Variants in MAFA observed in about 807,000 individuals in gnomAD.
MAFA encodes the protein MAF bZIP transcription factor A, also known as transcription factor MafA.
For missense variants in MAFA, 547 were observed against 538.0 expected (o/e 1.02, Z -0.16); for synonymous variants, 244 against 260.3 (o/e 0.94, Z 0.60).
At position 143,430,240 on chromosome 8, in the gene MAFA, C is replaced by G. The variant is rs1351805022; in HGVS notation, c.167G>C (p.Ser56Thr). The G allele has an allele frequency of 1.4e-6, 2 of 1,418,226 alleles. No homozygotes were observed. The highest frequency in any genetic ancestry group is 2.6e-5 in the South Asian group (2 of 78,404). The allele number at this position is 1,418,226 out of a possible 1,614,324, so 87.9% of individuals were successfully genotyped here. A position where few individuals can be genotyped will look rare whatever the true frequency, so the allele number is the denominator to read the frequency against. ...PPGSLSSTPL[S>T]TPCSSVPSSP... ...GGAGGGCACGGAGGAGCAGGGCGTG[C>G]TGAGCGGCGTCGAGGACAGCGAGCC... The change falls in exon 1 of 1, where the codon AGC (serine) becomes ACC (threonine). Residue 56 changes from serine to threonine, a missense_variant. Coordinates refer to ENST00000333480, the MANE Select transcript of MAFA (RefSeq NM_201589.4).
In MAFA at chr8:143,430,246, G is replaced by T; in HGVS notation, c.161C>A (p.Pro54Gln). Residue 54 changes from proline (P) to glutamine (Q), a missense_variant, in exon 1 of 1, where the codon CCG becomes CAG. Pro to Gln is a moderately conservative substitution (Grantham distance 76). Coordinates refer to ENST00000333480, the MANE Select transcript of MAFA (RefSeq NM_201589.4). ...RLPPGSLSSTPLSTPCSSVPS... is the reference protein window; with the variant it reads ...RLPPGSLSSTQLSTPCSSVPS... ...CACGGAGGAGCAGGGCGTGCTGAGC[G>T]GCGTCGAGGACAGCGAGCCTGGCGG... 1 of 1,426,214 alleles carries T rather than the reference G, an allele frequency of 7.0e-7. No individual in the cohort carries two copies. 88.3% of individuals were successfully genotyped at this position (1,426,214 alleles called of 1,614,324 possible). A position where few individuals can be genotyped will look rare whatever the true frequency, so the allele number is the denominator to read the frequency against.
chr8:143,429,995 C>T lies in MAFA; in HGVS notation c.412G>A (p.Ala138Thr). ...PEALNLTPED[A>T]VEALIGSGHH... ...CCGCTGCCGATGAGCGCCTCCACCG[C>T]GTCCTCGGGCGTCAGGTTGAGCGCC... is the stretch of plus-strand genomic sequence containing the variant. The change falls in exon 1 of 1, where the codon GCG (alanine) becomes ACG (threonine). Residue 138 changes from alanine to threonine, a missense_variant. Coordinates refer to ENST00000333480, the MANE Select transcript of MAFA (RefSeq NM_201589.4). This position sits in a 1 kb window ranked among gnomAD's most constrained non-coding sequence, Gnocchi z 5.9. 1 of 1,353,430 alleles carries T rather than the reference C, an allele frequency of 7.4e-7. No homozygotes were observed. Among genetic ancestry groups the T allele is most frequent in the Non-Finnish European group, 9.6e-7 (1 of 1,045,402 alleles). 83.8% of individuals were successfully genotyped at this position (1,353,430 alleles called of 1,614,324 possible).
chr8:143,429,783 ATGGTGGTGGTGGTGGTGGTGG>A lies in MAFA; in HGVS notation c.603_623del (p.His202_His208del). ...CGCCACCGCCGTGTCCCGCGCCGCCATGGTGGTGGTGGTGGTGGTGGTGGTGGTGGGCGGCGTGGTGATGGT... is the reference window on the plus strand; with the variant it reads ...CGCCACCGCCGTGTCCCGCGCCGCCATGGTGGTGGGCGGCGTGGTGATGGT... On this transcript the variant is annotated inframe_deletion, in exon 1 of 1. Coordinates refer to ENST00000333480, the MANE Select transcript of MAFA (RefSeq NM_201589.4). The surrounding 1 kb of genome is among the most constrained non-coding windows in gnomAD (Gnocchi z 5.9). The A allele has an allele frequency of 3.5e-6, 5 of 1,409,048 alleles. No individual in the cohort carries two copies. The highest frequency in any genetic ancestry group is 2.9e-5 in the East Asian group (1 of 34,018). 87.3% of individuals were successfully genotyped at this position (1,409,048 alleles called of 1,614,324 possible).
rs757108779 is a variant in MAFA at position 143,429,497 on chromosome 8, C to T, written c.910G>A (p.Ala304Thr). 3 of 1,604,928 alleles carry T rather than the reference C, an allele frequency of 1.9e-6. No homozygotes were observed. Among genetic ancestry groups the T allele is most frequent in the Non-Finnish European group, 1.7e-6 (2 of 1,179,348 alleles). The change falls in exon 1 of 1, where the codon GCC (alanine) becomes ACC (threonine). Residue 304 changes from alanine to threonine, a missense_variant. By Grantham distance (58) the Ala-to-Thr change is moderately conservative. Coordinates refer to ENST00000333480, the MANE Select transcript of MAFA (RefSeq NM_201589.4). This position sits in a 1 kb window ranked among gnomAD's most constrained non-coding sequence, Gnocchi z 5.9. ...EQLKLEVGRL[A>T]KERDLYKEKY... ...TCCTTGTACAGGTCCCGCTCTTTGG[C>T]CAGGCGCCCCACCTCCAGCTTCAGC...
chr8:143,429,064 G>A lies in MAFA; in HGVS notation c.*281C>T. 3.8e-6 allele frequency: 1 copy of A among 266,664 alleles called. No individual in the cohort carries two copies. Among genetic ancestry groups the A allele is most frequent in the Admixed American group, 5.5e-5 (1 of 18,198 alleles). 16.5% of individuals were successfully genotyped at this position (266,664 alleles called of 1,614,324 possible). Reference sequence around the variant, plus strand: ...GAACGGAGAACCACGTTCAACGTATGTACAAGCGGACGCTTGGAAAGAAGT... The same window carrying A: ...GAACGGAGAACCACGTTCAACGTATATACAAGCGGACGCTTGGAAAGAAGT... On this transcript the variant is annotated 3_prime_UTR_variant, in exon 1 of 1. Coordinates refer to ENST00000333480, the MANE Select transcript of MAFA (RefSeq NM_201589.4). This position sits in a 1 kb window ranked among gnomAD's most constrained non-coding sequence, Gnocchi z 5.9.
In MAFA at chr8:143,430,454, G is replaced by A. The variant is rs917481192; in HGVS notation, c.-48C>T. 13 of 830,790 alleles carry A rather than the reference G, an allele frequency of 1.6e-5. No individual in the cohort carries two copies. Among genetic ancestry groups the A allele is most frequent in the Middle Eastern group, 5.2e-4 (1 of 1,930 alleles). The allele number at this position is 830,790 out of a possible 1,614,324, so 51.5% of individuals were successfully genotyped here. ...GCGCCCCGACGGGCGGCGTGGGAGT[G>A]GGGGGGGAGCTGCAGGCCTCTCCCC... On this transcript the variant is annotated 5_prime_UTR_variant, in exon 1 of 1. Transcript: ENST00000333480.
At position 143,430,022 on chromosome 8, in the gene MAFA, C is replaced by A; in HGVS notation, c.385G>T (p.Glu129Ter). 7.3e-7 allele frequency: 1 copy of A among 1,375,476 alleles called. No individual in the cohort carries two copies. Among genetic ancestry groups the A allele is most frequent in the African/African-American group, 1.5e-5 (1 of 65,890 alleles). The allele number at this position is 1,375,476 out of a possible 1,614,324, so 85.2% of individuals were successfully genotyped here. ...TCCTCGGGCGTCAGGTTGAGCGCCT[C>A]GGGGTTGAGGTGATGCTGGTAGCCG... is the stretch of plus-strand genomic sequence containing the variant. Reference protein sequence around the residue: ...MSGYQHHLNPEALNLTPEDAV... With the variant: ...MSGYQHHLNP The change falls in exon 1 of 1, where the codon GAG becomes TAG. Residue 129 changes from glutamate (E) to a stop codon, truncating the protein, a stop_gained. Coordinates refer to ENST00000333480, the MANE Select transcript of MAFA (RefSeq NM_201589.4). LOFTEE classifies it low-confidence loss of function (END_TRUNC).
Position 143,430,504 on chromosome 8 carries a change from C to CCAGGCGGGGGCGGGGGGGCG in MAFA, c.-99_-98insCGCCCCCCCGCCCCCGCCTG. Reference sequence around the variant, plus strand: ...CCCCCTGCTCCCCGCGGGCGGCGGTCCCGGCGGGGGCGGGGGGGCGCCGGC... The same window carrying CCAGGCGGGGGCGGGGGGGCG: ...CCCCCTGCTCCCCGCGGGCGGCGGTCCAGGCGGGGGCGGGGGGGCGCCGGCGGGGGCGGGGGGGCGCCGGC... On this transcript the variant is annotated 5_prime_UTR_variant, in exon 1 of 1. Coordinates refer to ENST00000333480, the MANE Select transcript of MAFA (RefSeq NM_201589.4). 4.2e-6 allele frequency: 1 copy of CCAGGCGGGGGCGGGGGGGCG among 238,652 alleles called. No individual in the cohort carries two copies. Among genetic ancestry groups the CCAGGCGGGGGCGGGGGGGCG allele is most frequent in the Non-Finnish European group, 6.6e-6 (1 of 151,876 alleles). 14.8% of individuals were successfully genotyped at this position (238,652 alleles called of 1,614,324 possible).
chr8:143,429,104 G>A lies in MAFA; in HGVS notation c.*241C>T, dbSNP rs1414052061. The A allele has an allele frequency of 2.0e-5, 7 of 350,034 alleles. No individual in the cohort carries two copies. Among genetic ancestry groups the A allele is most frequent in the African/African-American group, 4.3e-5 (2 of 46,574 alleles). 21.7% of individuals were successfully genotyped at this position (350,034 alleles called of 1,614,324 possible). ...TGGAAAGAAGTTAGACCTGGCTCAA[G>A]TTTCCTTAGAAATCACCGTTCTCCG... is the stretch of plus-strand genomic sequence containing the variant. On this transcript the variant is annotated 3_prime_UTR_variant, in exon 1 of 1. Transcript: ENST00000333480. The surrounding 1 kb of genome is among the most constrained non-coding windows in gnomAD (Gnocchi z 5.9).
chr8:143,429,955 T>C lies in MAFA; in HGVS notation c.452A>G (p.His151Arg). 1 of 1,273,976 alleles carries C rather than the reference T, an allele frequency of 7.8e-7. No homozygotes were observed. The highest frequency in any genetic ancestry group is 9.9e-7 in the Non-Finnish European group (1 of 1,010,260). The allele number at this position is 1,273,976 out of a possible 1,614,324, so 78.9% of individuals were successfully genotyped here. Residue 151 changes from histidine to arginine, a missense_variant, in exon 1 of 1, where the codon CAC becomes CGC. Physicochemically the swap from His to Arg is conservative, Grantham distance 29. Transcript: ENST00000333480. The surrounding 1 kb of genome is among the most constrained non-coding windows in gnomAD (Gnocchi z 5.9). The part of the protein sequence containing the change: ...ALIGSGHHGA[H>R]HGAHHPAAAA... Reference sequence around the variant, plus strand: ...GGCCGCCGGGTGGTGCGCGCCGTGGTGCGCGCCGTGGTGGCCGCTGCCGAT... The same window carrying C: ...GGCCGCCGGGTGGTGCGCGCCGTGGCGCGCGCCGTGGTGGCCGCTGCCGAT...
At position 143,429,611 on chromosome 8, in the gene MAFA, C is replaced by T. The variant is rs761090493; in HGVS notation, c.796G>A (p.Gly266Ser). The T allele has an allele frequency of 2.6e-5, 42 of 1,599,104 alleles. No homozygotes were observed. The highest frequency in any genetic ancestry group is 3.5e-5 in the Non-Finnish European group (41 of 1,178,180). ...KQKRRTLKNR[G>S]YAQSCRFKRV... ...TTGAAGCGGCAGGACTGCGCGTAGC[C>T]GCGGTTCTTGAGCGTGCGCCGCTTC... The change falls in exon 1 of 1, where the codon GGC becomes AGC. Residue 266 changes from glycine to serine, a missense_variant. Physicochemically the swap from Gly to Ser is moderately conservative, Grantham distance 56. Transcript: ENST00000333480. The surrounding 1 kb of genome is among the most constrained non-coding windows in gnomAD (Gnocchi z 5.9).
rs1184020676 is a variant in MAFA, at chr8:143,428,198, C to CA, written c.*1146dup. On this transcript the variant is annotated 3_prime_UTR_variant, in exon 1 of 1. Coordinates refer to ENST00000333480, the MANE Select transcript of MAFA (RefSeq NM_201589.4). ...CGGCGCGCCTTCCACTCCGAGTGCT[C>CA]AGGGGAGGGGTGTGGAGCGGCTGGA... is the stretch of plus-strand genomic sequence containing the variant. 6.6e-6 allele frequency: 1 copy of CA among 152,192 alleles called. No individual in the cohort carries two copies. The highest frequency in any genetic ancestry group is 1.5e-5 in the Non-Finnish European group (1 of 68,036). 9.4% of individuals were successfully genotyped at this position (152,192 alleles called of 1,614,324 possible). A position where few individuals can be genotyped will look rare whatever the true frequency, so the allele number is the denominator to read the frequency against.
chr8:143,430,347 G>C lies in MAFA; in HGVS notation c.60C>G (p.Tyr20Ter). Residue 20 changes from tyrosine to a stop codon, truncating the protein, a stop_gained, in exon 1 of 1, where the codon TAC becomes TAG. Transcript: ENST00000333480. LOFTEE classifies it low-confidence loss of function (END_TRUNC). Reference sequence around the variant, plus strand: ...ACTTCATCAGGTCGAAGTCGTTGACGTACTCGATGGCCAGCGGGCTGCTGG... The same window carrying C: ...ACTTCATCAGGTCGAAGTCGTTGACCTACTCGATGGCCAGCGGGCTGCTGG... ...ELPSSPLAIE[Y>*]VNDFDLMKFE... is the part of the protein sequence containing the mutation. 4 of 1,445,810 alleles carry C rather than the reference G, an allele frequency of 2.8e-6. No homozygotes were observed. The highest frequency in any genetic ancestry group is 2.8e-6 in the Non-Finnish European group (3 of 1,084,574). The allele number at this position is 1,445,810 out of a possible 1,614,324, so 89.6% of individuals were successfully genotyped here.
At position 143,429,321 on chromosome 8, in the gene MAFA, C is replaced by A. The variant is rs1819494504; in HGVS notation, c.*24G>T. On this transcript the variant is annotated 3_prime_UTR_variant, in exon 1 of 1. Coordinates refer to ENST00000333480, the MANE Select transcript of MAFA (RefSeq NM_201589.4). This position sits in a 1 kb window ranked among gnomAD's most constrained non-coding sequence, Gnocchi z 5.9. ...TGCGCGAACTTGTCCCCGGCGACGG[C>A]GGCGCGGGCTCGGGGTCCGGCGCCT... The A allele has an allele frequency of 1.5e-6, 2 of 1,313,554 alleles. No individual in the cohort carries two copies. Among genetic ancestry groups the A allele is most frequent in the African/African-American group, 1.6e-5 (1 of 64,262 alleles). 81.4% of individuals were successfully genotyped at this position (1,313,554 alleles called of 1,614,324 possible). A position where few individuals can be genotyped will look rare whatever the true frequency, so the allele number is the denominator to read the frequency against.
chr8:143,429,151 CG>C lies in MAFA; in HGVS notation c.*193del. Reference sequence around the variant, plus strand: ...TCCGCTCAACCTCAGGACGGCGACCCGGGCCGACGCGCGCGAACGGGGACCG... The same window carrying C: ...TCCGCTCAACCTCAGGACGGCGACCCGGCCGACGCGCGCGAACGGGGACCG... On this transcript the variant is annotated 3_prime_UTR_variant, in exon 1 of 1. Coordinates refer to ENST00000333480, the MANE Select transcript of MAFA (RefSeq NM_201589.4). This position sits in a 1 kb window ranked among gnomAD's most constrained non-coding sequence, Gnocchi z 5.9. 1.7e-6 allele frequency: 1 copy of C among 586,618 alleles called. No homozygotes were observed. Among genetic ancestry groups the C allele is most frequent in the South Asian group, 8.4e-5 (1 of 11,942 alleles). The allele number at this position is 586,618 out of a possible 1,614,324, so 36.3% of individuals were successfully genotyped here.
In MAFA at chr8:143,430,041, G is replaced by T; in HGVS notation, c.366C>A (p.Tyr122Ter). Reference sequence around the variant, plus strand: ...GCGCCTCGGGGTTGAGGTGATGCTGGTAGCCGCTCATCCAGTACAGATCCT... The same window carrying T: ...GCGCCTCGGGGTTGAGGTGATGCTGTTAGCCGCTCATCCAGTACAGATCCT... ...ALEDLYWMSG[Y>*]QHHLNPEALN... Residue 122 changes from tyrosine (Y) to a stop codon, truncating the protein, a stop_gained, in exon 1 of 1, where the codon TAC becomes TAA. Transcript: ENST00000333480. LOFTEE classifies it low-confidence loss of function (END_TRUNC). The T allele has an allele frequency of 7.3e-7, 1 of 1,365,118 alleles. No individual in the cohort carries two copies. The highest frequency in any genetic ancestry group is 1.5e-5 in the South Asian group (1 of 65,264). The allele number at this position is 1,365,118 out of a possible 1,614,324, so 84.6% of individuals were successfully genotyped here.
Position 143,429,898 on chromosome 8 carries a change from C to T in MAFA, c.509G>A (p.Gly170Asp). 1 of 1,301,756 alleles carries T rather than the reference C, an allele frequency of 7.7e-7. No homozygotes were observed. The highest frequency in any genetic ancestry group is 9.7e-7 in the Non-Finnish European group (1 of 1,032,704). 80.6% of individuals were successfully genotyped at this position (1,301,756 alleles called of 1,614,324 possible). A position where few individuals can be genotyped will look rare whatever the true frequency, so the allele number is the denominator to read the frequency against. The stretch of plus-strand genomic sequence containing the variant: ...GTCCGCTCCGCCGCCGCCCGCGAAG[C>T]CCGGGCCGCGGAAAGCCTCGTAGGC... ...AAAYEAFRGP[G>D]FAGGGGADDM... Residue 170 changes from glycine (G) to aspartate (D), a missense_variant, in exon 1 of 1, where the codon GGC (glycine) becomes GAC (aspartate). Physicochemically the swap from Gly to Asp is moderately conservative, Grantham distance 94. Transcript: ENST00000333480. This position sits in a 1 kb window ranked among gnomAD's most constrained non-coding sequence, Gnocchi z 5.9.
chr8:143,430,011 G>A lies in MAFA; in HGVS notation c.396C>T (p.Asn132=), dbSNP rs1449643837. The change falls in exon 1 of 1, where the codon AAC becomes AAT. Residue 132 remains asparagine (N), a synonymous_variant. Transcript: ENST00000333480. ...CCTCCACCGCGTCCTCGGGCGTCAG[G>A]TTGAGCGCCTCGGGGTTGAGGTGAT... ...YQHHLNPEAL[N]LTPEDAVEAL... The A allele has an allele frequency of 2.9e-6, 4 of 1,373,988 alleles. No homozygotes were observed. In the Admixed American group the frequency reaches 8.1e-5, roughly 28 times the overall value. The allele number at this position is 1,373,988 out of a possible 1,614,324, so 85.1% of individuals were successfully genotyped here.
At position 143,428,533 on chromosome 8, in the gene MAFA, AT is replaced by A. The variant is rs1819483133; in HGVS notation, c.*811del. The A allele has an allele frequency of 6.6e-6, 1 of 152,192 alleles. No individual in the cohort carries two copies. The highest frequency in any genetic ancestry group is 2.4e-5 in the African/African-American group (1 of 41,448). 9.4% of individuals were successfully genotyped at this position (152,192 alleles called of 1,614,324 possible). On this transcript the variant is annotated 3_prime_UTR_variant, in exon 1 of 1. Coordinates refer to ENST00000333480, the MANE Select transcript of MAFA (RefSeq NM_201589.4). ...TCTCTTGAAGGTTAAAACAAGATGT[AT>A]TTCCCCAGGAGTTACAGATATGTTC...
Sources: gnomAD v4.1 joint callset for allele counts on GRCh38, gnomAD v4.1.1 for gene constraint, Gnocchi (gnomAD v3.1) non-coding constraint, MANE v1.5 for transcripts, NCBI Gene and HGNC (gene_info 2026-07-23, HGNC 2026-07-21) for gene names.